The following XRN1 variants were observed in gnomAD, a reference collection of about 807,000 sequenced individuals.
The protein encoded by XRN1 is strand-exchange protein 1 homolog.
XRN1 carries 67 observed loss-of-function variants against 222.3 expected under a neutral mutation model. That is an observed-to-expected ratio of 0.30 (90% CI 0.25 to 0.37). The LOEUF is 0.37. Among genes scored for constraint, XRN1 ranks in the 10% least tolerant of loss-of-function variants. The probability of loss-of-function intolerance (pLI) is 1.00; values close to 1 mark genes in which losing one functional copy is unlikely to be tolerated. For synonymous variants in XRN1, 643 were observed against 652.4 expected (o/e 0.99, Z 0.22); for missense variants, 1,707 against 2,000.2 (o/e 0.85, Z 2.80).
At chr3:142,336,486 A>C (rs1266804772) in intron 33 of XRN1, among the ~76,000 whole-genome samples, 1 of 151,784 alleles carries the variant, frequency 6.6e-6, no homozygotes, top group Admixed American at 6.6e-5. Context: ...TAAAAAAGAA[A>C]GAGAGGCTGA....
intron 34 of XRN1, among the ~76,000 whole-genome samples, chr3:142,334,781 C>CAT (rs2065805145): frequency 4.7e-5 from 7 of 149,476 alleles, no homozygotes; most frequent in Admixed American, 1.3e-4. Context: ...CACACACACA[C>CAT]ACACACACAC....
chr3:142,416,311 T>A (rs2108082641), intron 13 of XRN1, among the ~76,000 whole-genome samples: 1 of 152,252 alleles, frequency 6.6e-6, no homozygotes, highest in African/African-American at 2.4e-5. Flanking sequence ...GCCTCCCAAG[T>A]AGCTGGGACT....
At chr3:142,404,820 G>T in intron 16 of XRN1, 87 bp downstream of exon 16, 1 of 1,268,152 alleles carries the variant, frequency 7.9e-7, no homozygotes, top group South Asian at 1.3e-5. Flanking sequence ...TCTCCAAACA[G>T]ATATTCAAAG....
intron 8 of XRN1, among the ~76,000 whole-genome samples, 158 bp from the exon 9 acceptor site, chr3:142,421,701 G>A (rs1313559877): frequency 6.6e-6 from 1 of 152,146 alleles, no homozygotes; most frequent in Non-Finnish European, 1.5e-5. Flanking sequence ...TAGTTTCTGT[G>A]AATTTTATGC....
chr3:142,420,871 C>A, intron 10 of XRN1, 145 bp downstream of exon 10: 1 of 1,016,678 alleles, frequency 9.8e-7, no homozygotes, highest in Non-Finnish European at 1.4e-6. Flanking sequence ...AAAAAAGAAA[C>A]CAAATCAATT....
chr3:142,393,833 CTT>C (rs112990407), intron 20 of XRN1, among the ~76,000 whole-genome samples: 5 of 144,984 alleles, frequency 3.4e-5, no homozygotes, highest in Non-Finnish European at 1.5e-5. Context: ...TCTCCCAGAC[CTT>C]TTTTTTTTTT....
intron 29 of XRN1, among the ~76,000 whole-genome samples, chr3:142,360,631 G>A (rs534899754): frequency 4.8e-4 from 73 of 151,972 alleles, no homozygotes; most frequent in African/African-American, 1.6e-3. Context: ...TTGGGAGGCC[G>A]AGGCAGGTGG....
intron 10 of XRN1, 45 bp downstream of exon 10, chr3:142,420,971 C>A: frequency 6.2e-7 from 1 of 1,606,212 alleles, no homozygotes; most frequent in Non-Finnish European, 8.5e-7. Flanking sequence ...ATAATTTTTG[C>A]CTTTACAGTT....
intron 2 of XRN1, among the ~76,000 whole-genome samples, chr3:142,427,419 A>C (rs9826786): frequency 0.63 from 95,467 of 151,980 alleles, 31,521 homozygotes; most frequent in African/African-American, 0.85. Context: ...TAAAATAATT[A>C]TTGTCACAAA....
At chr3:142,353,585 G>C (rs1358298725) in intron 32 of XRN1, among the ~76,000 whole-genome samples, 2 of 152,204 alleles carry the variant, frequency 1.3e-5, no homozygotes, top group Admixed American at 1.3e-4. Context: ...AATGGGGTGA[G>C]GACTCCCTAT....
chr3:142,404,612 G>A (rs1189888436), intron 16 of XRN1, among the ~76,000 whole-genome samples: 1 of 152,090 alleles, frequency 6.6e-6, no homozygotes, highest in Non-Finnish European at 1.5e-5. Context: ...ATATCCATTC[G>A]AGGGAGACAA....
chr3:142,349,018 T>C (rs1483746800), intron 32 of XRN1, among the ~76,000 whole-genome samples: 1 of 152,102 alleles, frequency 6.6e-6, no homozygotes, highest in African/African-American at 2.4e-5. Context: ...AGTGGGGTCA[T>C]CCTGGCTCAC....
At chr3:142,432,054 CAT>C (rs200780501) in intron 2 of XRN1, among the ~76,000 whole-genome samples, 12,698 of 98,472 alleles carry the variant, frequency 0.13, 917 homozygotes, top group Non-Finnish European at 0.14. Context: ...CGGAGTTTTG[CAT>C]ATATATATGC....
chr3:142,382,144 A>T (rs1433270920), intron 22 of XRN1, among the ~76,000 whole-genome samples: 2 of 152,010 alleles, frequency 1.3e-5, no homozygotes, highest in Non-Finnish European at 2.9e-5. Flanking sequence ...CTGCATAATT[A>T]CAGTTTTCGT....
At chr3:142,416,452 G>A (rs1316745210) in intron 13 of XRN1, among the ~76,000 whole-genome samples, 4 of 152,120 alleles carry the variant, frequency 2.6e-5, no homozygotes, top group Non-Finnish European at 5.9e-5. Flanking sequence ...CCAAAGCGAT[G>A]GGATTAGAGG....
intron 1 of XRN1, among the ~76,000 whole-genome samples, chr3:142,433,514 AG>A (rs1414714156): frequency 2.0e-5 from 3 of 152,246 alleles, no homozygotes; most frequent in African/African-American, 7.2e-5. Flanking sequence ...TTTTATAAGA[AG>A]ACCTTAATGG....
chr3:142,440,983 C>T (rs115268716), intron 1 of XRN1, among the ~76,000 whole-genome samples: 5,765 of 152,242 alleles, frequency 0.038, 377 homozygotes, highest in African/African-American at 0.13. Context: ...TCCTTCGGTA[C>T]GCGGATGATT....
chr3:142,439,731 GGAACA>G (rs1477071248), intron 1 of XRN1, among the ~76,000 whole-genome samples: 1 of 147,770 alleles, frequency 6.8e-6, no homozygotes, highest in Admixed American at 6.8e-5. Context: ...AGGAGCAGGC[GGAACA>G]GGACAAACGG....
chr3:142,339,476 C>T (rs1051550124), intron 33 of XRN1, among the ~76,000 whole-genome samples: 17 of 152,172 alleles, frequency 1.1e-4, no homozygotes, highest in African/African-American at 4.1e-4. Context: ...CAAGCCCAGA[C>T]TTTGAAGACT....
Sources: gnomAD v4.1 joint callset for allele counts (sites outside exome capture counted in the v4.1 genomes callset) on GRCh38, gnomAD v4.1.1 for gene constraint, MANE v1.5 for transcripts, NCBI Gene and HGNC (gene_info 2026-07-23, HGNC 2026-07-21) for gene names.